The following LHX9 variants were observed in gnomAD, a reference collection of about 807,000 sequenced individuals.
LHX9 encodes LIM homeobox 9.
LHX9 carries 9 observed loss-of-function variants against 36.5 expected under a neutral mutation model. The observed-to-expected ratio is 0.25, with a 90% confidence interval of 0.15 to 0.43. The LOEUF (loss-of-function observed/expected upper bound fraction) is 0.43. Among genes scored for constraint, LHX9 ranks in the 20% least tolerant of loss-of-function variants. The pLI is 1.00. For missense variants in LHX9, 464 were observed against 526.4 expected, an observed-to-expected ratio of 0.88 and a Z score of 1.16; for synonymous variants, 211 against 212.1, an observed-to-expected ratio of 0.99 and a Z score of 0.04.
chr1:197,924,824 T>C (rs1660096824), intron 3 of LHX9, among the ~76,000 whole-genome samples: 1 of 152,214 alleles, frequency 6.6e-6, no homozygotes, highest in African/African-American at 2.4e-5. Context: ...ACTTAGATCT[T>C]CTCATTAACT....
At chr1:197,917,108 GT>G, upstream of LHX9, 1 of 182,542 alleles carries the variant, frequency 5.5e-6, no homozygotes. Context: ...GTGTGTGTGT[GT>G]GTGTGTGCGC....
Position 197,929,458 on chromosome 1 carries a change from A to G in LHX9, c.*199A>G. 4.6e-6 allele frequency: 5 copies of G among 1,080,582 alleles called. No individual in the cohort carries two copies. The highest frequency in any genetic ancestry group is 5.6e-6 in the Non-Finnish European group (5 of 890,976). The allele number at this position is 1,080,582 out of a possible 1,614,324, so 66.9% of individuals were successfully genotyped here. On this transcript the variant is annotated 3_prime_UTR_variant, in exon 5 of 5. Coordinates refer to ENST00000367387, the MANE Select transcript of LHX9 (RefSeq NM_020204.3). ...ACAGTATTGTCTCCTTTAAGTGAAT[A>G]TATTTTGTCTACAAAGTGTATTTGG...
Position 197,921,254 on chromosome 1 carries a change from T to C in LHX9, c.378-50T>C, listed in dbSNP as rs1402559558. ...AAACCCAGGTGTCGCGGGTGGGATATGGCTCTGCCTTGCTTCAACTAGCGC... is the reference window on the plus strand; with the variant it reads ...AAACCCAGGTGTCGCGGGTGGGATACGGCTCTGCCTTGCTTCAACTAGCGC... On this transcript the variant is annotated intron_variant, in intron 2 of 4. Transcript: ENST00000367387. This position sits in a 1 kb window ranked among gnomAD's most constrained non-coding sequence, Gnocchi z 4.6. 1 of 1,523,812 alleles carries C rather than the reference T, an allele frequency of 6.6e-7. No homozygotes were observed. Among genetic ancestry groups the C allele is most frequent in the South Asian group, 1.2e-5 (1 of 80,998 alleles). The allele number at this position is 1,523,812 out of a possible 1,614,324, so 94.4% of individuals were successfully genotyped here. A position where few individuals can be genotyped will look rare whatever the true frequency, so the allele number is the denominator to read the frequency against.
At position 197,934,452 on chromosome 1, in the gene LHX9, T is replaced by A. The variant is rs1183451010; in HGVS notation, c.*5193T>A. 6.6e-6 allele frequency: 1 copy of A among 152,204 alleles called. No homozygotes were observed. Among genetic ancestry groups the A allele is most frequent in the East Asian group, 1.9e-4 (1 of 5,202 alleles). 9.4% of individuals were successfully genotyped at this position (152,204 alleles called of 1,614,324 possible). A position where few individuals can be genotyped will look rare whatever the true frequency, so the allele number is the denominator to read the frequency against. On this transcript the variant is annotated 3_prime_UTR_variant, in exon 5 of 5. Coordinates refer to ENST00000367387, the MANE Select transcript of LHX9 (RefSeq NM_020204.3). ...ATAAATATAAACACCTAATTTTGTA[T>A]GAAGTTTTGCTATTTAAATTTTAAC... is the stretch of plus-strand genomic sequence containing the variant.
In LHX9 at chr1:197,930,890, A is replaced by G. The variant is rs959029572; in HGVS notation, c.*1631A>G. On this transcript the variant is annotated 3_prime_UTR_variant, in exon 5 of 5. Coordinates refer to ENST00000367387, the MANE Select transcript of LHX9 (RefSeq NM_020204.3). ...TATGGAGCTTAAATCTTGACTTTTCATACTTCTATTACATTTTGGGCATTT... is the reference window on the plus strand; with the variant it reads ...TATGGAGCTTAAATCTTGACTTTTCGTACTTCTATTACATTTTGGGCATTT... The G allele has an allele frequency of 3.3e-5, 5 of 151,998 alleles. No individual in the cohort carries two copies. The highest frequency in any genetic ancestry group is 7.2e-5 in the African/African-American group (3 of 41,440). The allele number at this position is 151,998 out of a possible 1,614,324, so 9.4% of individuals were successfully genotyped here.
chr1:197,927,635 C>A lies in LHX9; in HGVS notation c.778C>A (p.Pro260Thr), dbSNP rs1384500271. The A allele has an allele frequency of 5.6e-6, 9 of 1,614,054 alleles. No individual in the cohort carries two copies. Among genetic ancestry groups the A allele is most frequent in the Admixed American group, 5.0e-5 (3 of 60,000 alleles). ...AGACCACTTGGACCGGGACCAGCAG[C>A]CTTATCCACCCTCGCAGAAGACCAA... is the stretch of plus-strand genomic sequence containing the variant. Reference protein sequence around the residue: ...EADHLDRDQQPYPPSQKTKRM... With the variant: ...EADHLDRDQQTYPPSQKTKRM... The change falls in exon 4 of 5, where the codon CCT becomes ACT. Residue 260 changes from proline to threonine, a missense_variant. By Grantham distance (38) the Pro-to-Thr change is conservative. This residue lies in a region of LHX9 where 130 missense variants were observed against 109.6 expected (regional missense o/e 1.19). Coordinates refer to ENST00000367387, the MANE Select transcript of LHX9 (RefSeq NM_020204.3).
In LHX9 at chr1:197,926,689, C is replaced by A. The variant is rs1477946245; in HGVS notation, c.734-902C>A. Reference sequence around the variant, plus strand: ...CCAGCCAGGGGCACAGCTCACATCCCACTCACACACATCTGGAGCAAAAGG... The same window carrying A: ...CCAGCCAGGGGCACAGCTCACATCCAACTCACACACATCTGGAGCAAAAGG... On this transcript the variant is annotated intron_variant, in intron 3 of 4. Coordinates refer to ENST00000367387, the MANE Select transcript of LHX9 (RefSeq NM_020204.3). Among the ~76,000 whole-genome samples the A allele has an allele frequency of 2.0e-5, 3 of 152,174 alleles. No individual in the cohort carries two copies. The South Asian group carries it at 6.2e-4, about 32-fold the overall frequency.
At position 197,929,287 on chromosome 1, in the gene LHX9, A is replaced by G; in HGVS notation, c.*28A>G. 2 of 1,322,628 alleles carry G rather than the reference A, an allele frequency of 1.5e-6. No homozygotes were observed. Among genetic ancestry groups the G allele is most frequent in the Middle Eastern group, 2.0e-4 (1 of 4,986 alleles). 81.9% of individuals were successfully genotyped at this position (1,322,628 alleles called of 1,614,324 possible). On this transcript the variant is annotated 3_prime_UTR_variant, in exon 5 of 5. Coordinates refer to ENST00000367387, the MANE Select transcript of LHX9 (RefSeq NM_020204.3). ...TTGGTTTTTTTTTTTTAGTTTTTAA[A>G]TTCTTCCTCTTCTTTTTATTATTAT...
intron 1 of LHX9, chr1:197,918,367 A>G (rs1659847794): frequency 2.8e-6 from 2 of 717,352 alleles, no homozygotes; most frequent in Non-Finnish European, 2.6e-6. Flanking sequence ...GGCATAAGCA[A>G]TAGGAGGACG....
upstream of LHX9, among the ~76,000 whole-genome samples, chr1:197,916,930 G>T (rs138619015): frequency 6.6e-6 from 1 of 152,170 alleles, no homozygotes; most frequent in Non-Finnish European, 1.5e-5. Context: ...TCCACAAGGA[G>T]GAAATCCAAA....
At chr1:197,912,590 T>A (rs376613273), upstream of LHX9, 3 of 1,611,956 alleles carry the variant, frequency 1.9e-6, no homozygotes, top group African/African-American at 4.0e-5. Context: ...CTTCTGATGT[T>A]CTCTGCCCCT....
At chr1:197,915,725 G>A (rs1367054071), upstream of LHX9, 3 of 152,210 alleles carry the variant, frequency 2.0e-5, no homozygotes, top group African/African-American at 7.2e-5. Context: ...TCATGGAAGA[G>A]GTCACTCCAG....
rs1036717146 is a variant in LHX9 at position 197,932,352 on chromosome 1, C to A, written c.*3093C>A. The A allele has an allele frequency of 9.0e-5, 15 of 166,438 alleles. 1 individual carries two copies. The highest frequency in any genetic ancestry group is 8.6e-4 in the Admixed American group (14 of 16,222). 10.3% of individuals were successfully genotyped at this position (166,438 alleles called of 1,614,324 possible). On this transcript the variant is annotated 3_prime_UTR_variant, in exon 5 of 5. Coordinates refer to ENST00000367387, the MANE Select transcript of LHX9 (RefSeq NM_020204.3). ...CACCTGCTTGCTAATGTGTATTAGTCCTGTTAATGGCATTTTCCAACTGTA... is the reference window on the plus strand; with the variant it reads ...CACCTGCTTGCTAATGTGTATTAGTACTGTTAATGGCATTTTCCAACTGTA...
In LHX9 at chr1:197,929,845, T is replaced by C; in HGVS notation, c.*586T>C. 2 of 949,824 alleles carry C rather than the reference T, an allele frequency of 2.1e-6. No homozygotes were observed. Among genetic ancestry groups the C allele is most frequent in the Non-Finnish European group, 2.5e-6 (2 of 797,388 alleles). The allele number at this position is 949,824 out of a possible 1,614,324, so 58.8% of individuals were successfully genotyped here. A position where few individuals can be genotyped will look rare whatever the true frequency, so the allele number is the denominator to read the frequency against. On this transcript the variant is annotated 3_prime_UTR_variant, in exon 5 of 5. Coordinates refer to ENST00000367387, the MANE Select transcript of LHX9 (RefSeq NM_020204.3). ...ATAAAAGCATTAACTACAGACATTT[T>C]AAATAGTAATGATTAATTAGGTGAG... is the stretch of plus-strand genomic sequence containing the variant.
intron 3 of LHX9, among the ~76,000 whole-genome samples, chr1:197,926,338 A>G (rs1336110855): frequency 2.0e-5 from 3 of 152,174 alleles, no homozygotes; most frequent in Non-Finnish European, 4.4e-5. Context: ...TAGATTTTCT[A>G]TTATAAAGCA....
In LHX9 at chr1:197,932,085, AGAG is replaced by A. The variant is rs897845725; in HGVS notation, c.*2827_*2829del. 7.4e-5 allele frequency: 46 copies of A among 619,664 alleles called. No homozygotes were observed. The Middle Eastern group carries it at 1.0e-3, about 14-fold the overall frequency. 38.4% of individuals were successfully genotyped at this position (619,664 alleles called of 1,614,324 possible). On this transcript the variant is annotated 3_prime_UTR_variant, in exon 5 of 5. Coordinates refer to ENST00000367387, the MANE Select transcript of LHX9 (RefSeq NM_020204.3). Reference sequence around the variant, plus strand: ...AAAAAATTTATTAAGCCAAAAAAAAAGAGAGAGAGAGAGACTTAAATGTCATTT... The same window carrying A: ...AAAAAATTTATTAAGCCAAAAAAAAAAGAGAGAGAGACTTAAATGTCATTT...
In LHX9 at chr1:197,921,196, C is replaced by T; in HGVS notation, c.378-108C>T. ...CCTACTCTCCTGTCCCCCTGGAACC[C>T]TCCCAGGTCCCAGTCTCAGGCCACT... On this transcript the variant is annotated intron_variant, in intron 2 of 4. Coordinates refer to ENST00000367387, the MANE Select transcript of LHX9 (RefSeq NM_020204.3). The surrounding 1 kb of genome is among the most constrained non-coding windows in gnomAD (Gnocchi z 4.6). 1 of 807,222 alleles carries T rather than the reference C, an allele frequency of 1.2e-6. No individual in the cohort carries two copies. The highest frequency in any genetic ancestry group is 1.9e-6 in the Non-Finnish European group (1 of 515,920). The allele number at this position is 807,222 out of a possible 1,614,324, so 50.0% of individuals were successfully genotyped here. A position where few individuals can be genotyped will look rare whatever the true frequency, so the allele number is the denominator to read the frequency against.
rs34819679 is a variant in LHX9 at position 197,925,530 on chromosome 1, A to ATT, written c.734-2056_734-2055dup. ...ATGACTAACATGTGCCCCTTTGACT[A>ATT]TTTTTTGTGGGTATATTTATAATCT... On this transcript the variant is annotated intron_variant, in intron 3 of 4. Coordinates refer to ENST00000367387, the MANE Select transcript of LHX9 (RefSeq NM_020204.3). Among the ~76,000 whole-genome samples the ATT allele has an allele frequency of 2.0e-5, 3 of 152,020 alleles. No individual in the cohort carries two copies. In the East Asian group the frequency reaches 5.8e-4, roughly 29 times the overall value.
In LHX9 at chr1:197,921,355, G is replaced by C. The variant is rs773210045; in HGVS notation, c.429G>C (p.Ser143=). ...CARCHLGISA[S]EMVMRARDSV... ...GCTGCCACCTTGGCATTTCCGCCTCGGAGATGGTCATGCGCGCCCGAGACT... is the reference window on the plus strand; with the variant it reads ...GCTGCCACCTTGGCATTTCCGCCTCCGAGATGGTCATGCGCGCCCGAGACT... Residue 143 remains serine (S), a synonymous_variant, in exon 3 of 5, where the codon TCG becomes TCC. Coordinates refer to ENST00000367387, the MANE Select transcript of LHX9 (RefSeq NM_020204.3). This position sits in a 1 kb window ranked among gnomAD's most constrained non-coding sequence, Gnocchi z 4.6. 9.9e-6 allele frequency: 16 copies of C among 1,614,006 alleles called. No individual in the cohort carries two copies. Among genetic ancestry groups the C allele is most frequent in the African/African-American group, 1.3e-5 (1 of 74,914 alleles).
Sources: gnomAD v4.1 joint callset for allele counts (sites outside exome capture counted in the v4.1 genomes callset) on GRCh38, gnomAD v4.1.1 for gene constraint, gnomAD v4.1.1 regional missense constraint, Gnocchi (gnomAD v3.1) non-coding constraint, MANE v1.5 for transcripts, NCBI Gene and HGNC (gene_info 2026-07-23, HGNC 2026-07-21) for gene names.